The following CARS2 variants were observed in gnomAD, a reference collection of about 807,000 sequenced individuals.
The protein encoded by CARS2 is cysteinyl-tRNA synthetase 2, mitochondrial.
A neutral mutation model predicts 68.8 loss-of-function variants in CARS2; 52 were observed. That is an observed-to-expected ratio of 0.76 (90% CI 0.61 to 0.95). The LOEUF (loss-of-function observed/expected upper bound fraction) is 0.95. CARS2 is among the 40% of genes least tolerant of loss of function. The pLI is 0.00. For synonymous variants in CARS2, 314 were observed against 303.6 expected (o/e 1.03, Z -0.36); for missense variants, 780 against 754.2 (o/e 1.03, Z -0.40).
At chr13:110,684,093 C>T (rs1449274896) in intron 5 of CARS2, among the ~76,000 whole-genome samples, 1 of 152,116 alleles carries the variant, frequency 6.6e-6, no homozygotes, top group Admixed American at 6.6e-5. Flanking sequence ...CGGCTGCAGC[C>T]GCTGTGTGTT....
At chr13:110,683,021 G>A (rs752177157) in intron 6 of CARS2, 30 bp downstream of exon 6, 1 of 1,548,918 alleles carries the variant, frequency 6.5e-7, no homozygotes, top group Non-Finnish European at 8.8e-7. Context: ...AGAGGTCAGG[G>A]ACCCACAGGG....
chr13:110,654,223 C>T (rs2062302722), intron 9 of CARS2, among the ~76,000 whole-genome samples: 1 of 152,228 alleles, frequency 6.6e-6, no homozygotes, highest in Admixed American at 6.5e-5. Flanking sequence ...AGCCTCTCTA[C>T]TGGGCCAGGC....
Position 110,663,609 on chromosome 13 carries a change from C to T in CARS2, c.920-91G>A, listed in dbSNP as rs924685211. 1.9e-6 allele frequency: 3 copies of T among 1,555,630 alleles called. No homozygotes were observed. The South Asian group carries it at 3.6e-5, about 19-fold the overall frequency. ...TGGCTCCCCAGGAAACGAATGGGAA[C>T]CTGCACATATCCAATGTATAGACCA... is the stretch of plus-strand genomic sequence containing the variant. On this transcript the variant is annotated intron_variant, in intron 8 of 14. Transcript: ENST00000257347.
chr13:110,689,298 T>C (rs879576848), intron 3 of CARS2, among the ~76,000 whole-genome samples: 1 of 152,160 alleles, frequency 6.6e-6, no homozygotes, highest in African/African-American at 2.4e-5. Context: ...CCTGCTAGTC[T>C]CTCCGAGCTG....
At position 110,690,302 on chromosome 13, in the gene CARS2, C is replaced by G. The variant is rs943583564; in HGVS notation, c.394-2284G>C. ...ATTTTTCTGCAGAGGTAATTTATTG[C>G]CAGGAGAAGTCAAATGGCATGAAGG... On this transcript the variant is annotated intron_variant, in intron 3 of 14. Transcript: ENST00000257347. Among the ~76,000 whole-genome samples, 6 of 152,252 alleles carry G rather than the reference C, an allele frequency of 3.9e-5. No homozygotes were observed. In the East Asian group the frequency reaches 1.2e-3, roughly 29 times the overall value.
intron 3 of CARS2, among the ~76,000 whole-genome samples, chr13:110,691,534 G>A (rs1188087162): frequency 3.3e-5 from 5 of 152,064 alleles, no homozygotes; most frequent in Non-Finnish European, 5.9e-5. Flanking sequence ...AATTTGCCTT[G>A]GGGTCTCTTT....
chr13:110,693,084 TG>T (rs201390401), intron 3 of CARS2, among the ~76,000 whole-genome samples: 4,380 of 120,338 alleles, frequency 0.036, 262 homozygotes, highest in African/African-American at 0.14. Flanking sequence ...CACTCCAGCC[TG>T]GGTGACAGAG....
At chr13:110,706,160 A>G (rs914615979), upstream of CARS2, 35 of 1,142,552 alleles carry the variant, frequency 3.1e-5, no homozygotes, top group East Asian at 4.8e-4. Context: ...CGGTCGCTCA[A>G]GAGCAGCACG....
exon 1 of CARS2, chr13:110,713,379 G>A: frequency 9.6e-7 from 1 of 1,046,110 alleles, no homozygotes. Flanking sequence ...GCTCCCCTGC[G>A]TTTCCCAGCG....
intron 3 of CARS2, among the ~76,000 whole-genome samples, chr13:110,692,085 TAC>T (rs1385947066): frequency 6.8e-6 from 1 of 146,364 alleles, no homozygotes; most frequent in Non-Finnish European, 1.5e-5. Context: ...TACATATATA[TAC>T]ACACACATAT....
chr13:110,705,369 C>A lies in CARS2; in HGVS notation c.275+152G>T, dbSNP rs536796122. 3.3e-6 allele frequency: 2 copies of A among 605,152 alleles called. No individual in the cohort carries two copies. The highest frequency in any genetic ancestry group is 2.2e-5 in the South Asian group (1 of 45,762). 37.5% of individuals were successfully genotyped at this position (605,152 alleles called of 1,614,324 possible). A position where few individuals can be genotyped will look rare whatever the true frequency, so the allele number is the denominator to read the frequency against. ...AAGTGCTCAGAATCCCTATAAGAAC[C>A]AAATGAGGTTGTAACATTTCCCACA... On this transcript the variant is annotated intron_variant, in intron 2 of 14. Coordinates refer to ENST00000257347, the MANE Select transcript of CARS2 (RefSeq NM_024537.4). The surrounding 1 kb of genome is among the most constrained non-coding windows in gnomAD (Gnocchi z 4.0).
At chr13:110,682,898 A>G (rs1162104495) in intron 6 of CARS2, among the ~76,000 whole-genome samples, 153 bp downstream of exon 6, 1 of 152,140 alleles carries the variant, frequency 6.6e-6, no homozygotes, top group Non-Finnish European at 1.5e-5. Context: ...GGAGCCATCC[A>G]CAGAAACCAC....
chr13:110,705,939 A>C lies in CARS2; in HGVS notation c.155T>G (p.Val52Gly), dbSNP rs1566366322. The C allele has an allele frequency of 2.1e-5, 33 of 1,566,840 alleles. No homozygotes were observed. The highest frequency in any genetic ancestry group is 2.8e-5 in the Non-Finnish European group (33 of 1,159,466). ...CCCGGTGAGGCTGTTGTACACCTGC[A>C]CACCCGTCTCCCGGCCCGTGGGCTG... is the stretch of plus-strand genomic sequence containing the variant. ...WLQPTGRETG[V>G]QVYNSLTGRK... The change falls in exon 1 of 15, where the codon GTG becomes GGG. Residue 52 changes from valine to glycine, a missense_variant. Val to Gly is a moderately radical substitution (Grantham distance 109, BLOSUM62 -3). Transcript: ENST00000257347. The surrounding 1 kb of genome is among the most constrained non-coding windows in gnomAD (Gnocchi z 4.0).
At chr13:110,683,181 T>A (rs1365019662) in intron 5 of CARS2, 47 bp from the exon 6 acceptor site, 5 of 1,317,808 alleles carry the variant, frequency 3.8e-6, no homozygotes, top group Non-Finnish European at 5.2e-6. Flanking sequence ...AGTCTGAATA[T>A]CAGCATATTG....
At chr13:110,677,779 C>T (rs7399501) in intron 6 of CARS2, 20,623 of 151,812 alleles carry the variant, frequency 0.14, 1,929 homozygotes, top group Admixed American at 0.27. Context: ...CACCCCACCA[C>T]GGACACGCAG....
intron 9 of CARS2, among the ~76,000 whole-genome samples, chr13:110,662,286 C>T (rs1386979266): frequency 1.0e-5 from 1 of 98,156 alleles, no homozygotes; most frequent in East Asian, 2.7e-4. Flanking sequence ...GGGCTCCGAC[C>T]CCCCTCTGCG....
intron 12 of CARS2, chr13:110,645,592 T>C: frequency 5.9e-6 from 1 of 168,534 alleles, no homozygotes. Context: ...GGGTGCAGAT[T>C]GCATAACAGT....
chr13:110,668,843 G>T lies in CARS2; in HGVS notation c.786-1370C>A, dbSNP rs1439143910. 6.6e-6 allele frequency among the ~76,000 whole-genome samples: 1 copy of T among 151,988 alleles called. No individual in the cohort carries two copies. The highest frequency in any genetic ancestry group is 1.5e-5 in the Non-Finnish European group (1 of 68,014). ...AAGGCTCAGAAGGAACAACAATAAT[G>T]GTCTCTTCATTATTTAATCTTTCAA... On this transcript the variant is annotated intron_variant, in intron 7 of 14. Transcript: ENST00000257347. The surrounding 1 kb of genome is among the most constrained non-coding windows in gnomAD (Gnocchi z 4.1).
At chr13:110,713,067 C>T (rs2139961506) in intron 1 of CARS2, 1 of 1,447,720 alleles carries the variant, frequency 6.9e-7, no homozygotes, top group Admixed American at 2.6e-5. Context: ...CCGTGCCCGG[C>T]CCTCCCCTTC....
Sources: allele counts gnomAD v4.1 joint callset (sites outside exome capture counted in the v4.1 genomes callset), GRCh38; gene constraint gnomAD v4.1.1; non-coding constraint Gnocchi (gnomAD v3.1); transcripts MANE v1.5; gene names NCBI Gene and HGNC (gene_info 2026-07-23, HGNC 2026-07-21).